ATRNL1: variants seen among roughly 807,000 people sequenced by gnomAD.
ATRNL1 encodes the protein attractin like 1.
ATRNL1 carries 95 observed loss-of-function variants against 182.7 expected under a neutral mutation model. The observed-to-expected ratio is 0.52, with a 90% CI of 0.44 to 0.62. The LOEUF (loss-of-function observed/expected upper bound fraction) is 0.62, where lower values mean the gene tolerates loss of function less well. Among genes scored for constraint, ATRNL1 ranks in the 20% least tolerant of loss-of-function variants. ATRNL1 has a pLI of 0.00. For missense variants in ATRNL1, 1,471 were observed against 1,679.5 expected (o/e 0.88, Z 2.17); for synonymous variants, 576 against 568.3 (o/e 1.01, Z -0.19).
intron 5 of ATRNL1, among the ~76,000 whole-genome samples, chr10:115,150,124 G>GT (rs1846154237): frequency 6.6e-6 from 1 of 151,826 alleles, no homozygotes; most frequent in Non-Finnish European, 1.5e-5. Flanking sequence ...TTTCCAGTTT[G>GT]TTAGTGTATA....
intron 7 of ATRNL1, among the ~76,000 whole-genome samples, chr10:115,165,894 T>TA (rs1226797530): frequency 6.6e-6 from 1 of 152,102 alleles, no homozygotes; most frequent in Non-Finnish European, 1.5e-5. Flanking sequence ...GTCAATCACT[T>TA]AAAAAAATTA....
chr10:115,881,643 G>A (rs1464088390), intron 28 of ATRNL1, among the ~76,000 whole-genome samples: 1 of 152,162 alleles, frequency 6.6e-6, no homozygotes, highest in African/African-American at 2.4e-5. Flanking sequence ...CATTGACAGA[G>A]CCCTGCCATA....
intron 25 of ATRNL1, among the ~76,000 whole-genome samples, chr10:115,531,455 G>A (rs2133747533): frequency 6.6e-6 from 1 of 152,180 alleles, no homozygotes; most frequent in African/African-American, 2.4e-5. Context: ...CATACCCTTT[G>A]GCCACTTTTT....
At chr10:115,799,068 G>A (rs1431223560) in intron 27 of ATRNL1, among the ~76,000 whole-genome samples, 12 of 151,870 alleles carry the variant, frequency 7.9e-5, no homozygotes, top group South Asian at 2.1e-4. Context: ...CTCGTGTTCC[G>A]CCCACCTCAG....
At chr10:115,139,208 T>C (rs1422689533) in intron 5 of ATRNL1, among the ~76,000 whole-genome samples, 1 of 152,212 alleles carries the variant, frequency 6.6e-6, no homozygotes, top group South Asian at 2.1e-4. Flanking sequence ...GTCCACACTT[T>C]CCCACATTTT....
At chr10:115,670,802 A>G (rs75101099) in intron 26 of ATRNL1, among the ~76,000 whole-genome samples, 2,537 of 152,256 alleles carry the variant, frequency 0.017, 66 homozygotes, top group African/African-American at 0.058. Flanking sequence ...GGTCAAGGTC[A>G]CTGCCATTTA....
intron 26 of ATRNL1, among the ~76,000 whole-genome samples, chr10:115,654,354 G>A (rs1860197914): frequency 1.3e-5 from 2 of 151,784 alleles, no homozygotes; most frequent in African/African-American, 4.8e-5. Flanking sequence ...CAAGTAGCTG[G>A]GATTAAGGCA....
At chr10:115,886,406 C>T (rs569185971) in intron 28 of ATRNL1, among the ~76,000 whole-genome samples, 152 of 152,216 alleles carry the variant, frequency 1.0e-3, no homozygotes, top group African/African-American at 3.4e-3. Flanking sequence ...CCCAGCTACT[C>T]GGGAGGCAGA....
At chr10:115,690,606 A>G (rs1243162652) in intron 26 of ATRNL1, among the ~76,000 whole-genome samples, 3 of 152,114 alleles carry the variant, frequency 2.0e-5, no homozygotes, top group Non-Finnish European at 4.4e-5. Context: ...TTTTGAACCA[A>G]CCAACACTGT....
chr10:115,691,778 A>G (rs1439032071), intron 26 of ATRNL1, among the ~76,000 whole-genome samples: 4 of 152,060 alleles, frequency 2.6e-5, no homozygotes, highest in South Asian at 4.1e-4. Flanking sequence ...TCATTTTTAA[A>G]TTTTGGGTTT....
At position 115,798,413 on chromosome 10, in the gene ATRNL1, C is replaced by G. The variant is rs533107519; in HGVS notation, c.3904-49464C>G. The stretch of plus-strand genomic sequence containing the variant: ...TCCCCATACCACTGCCTGTTGCCCT[C>G]AGCACTGCTGGAGCTCAAGTCTCAA... On this transcript the variant is annotated intron_variant, in intron 27 of 28. Coordinates refer to ENST00000355044, the MANE Select transcript of ATRNL1 (RefSeq NM_207303.4). Among the ~76,000 whole-genome samples, 3 of 152,322 alleles carry G rather than the reference C, an allele frequency of 2.0e-5. No individual in the cohort carries two copies. In the South Asian group the frequency reaches 6.2e-4, roughly 32 times the overall value.
intron 19 of ATRNL1, among the ~76,000 whole-genome samples, chr10:115,390,717 G>A (rs1843973918): frequency 6.6e-6 from 1 of 152,098 alleles, no homozygotes; most frequent in Non-Finnish European, 1.5e-5. Context: ...GTCAGAAATT[G>A]CATTGACTTA....
intron 10 of ATRNL1, among the ~76,000 whole-genome samples, chr10:115,256,557 A>G (rs1314116037): frequency 6.6e-6 from 1 of 151,976 alleles, no homozygotes; most frequent in African/African-American, 2.4e-5. Flanking sequence ...CTAGCGGTCT[A>G]TCAATTTTGT....
In ATRNL1 at chr10:115,165,584, A is replaced by G. The variant is rs782793018; in HGVS notation, c.1031A>G (p.Asn344Ser). The change falls in exon 7 of 29, where the codon AAT (asparagine) becomes AGT (serine). Residue 344 changes from asparagine (N) to serine (S), a missense_variant. Asn to Ser is a conservative substitution (Grantham distance 46). Transcript: ENST00000355044. Reference sequence around the variant, plus strand: ...TACAATTTAGAAAGCAGTATATGGAATGTAGGAACTCCATCAAGGGGACCT... The same window carrying G: ...TACAATTTAGAAAGCAGTATATGGAGTGTAGGAACTCCATCAAGGGGACCT... ...LNYNLESSIWNVGTPSRGPLQ... is the reference protein window; with the variant it reads ...LNYNLESSIWSVGTPSRGPLQ... 5.2e-6 allele frequency: 8 copies of G among 1,536,200 alleles called. No individual in the cohort carries two copies. The highest frequency in any genetic ancestry group is 1.4e-5 in the African/African-American group (1 of 73,514).
chr10:115,864,064 G>T (rs1951377304), intron 28 of ATRNL1, among the ~76,000 whole-genome samples: 2 of 152,082 alleles, frequency 1.3e-5, no homozygotes, highest in Admixed American at 1.3e-4. Context: ...TTCGAGACCA[G>T]CCCGGTCAAT....
chr10:115,466,819 C>G (rs1554970890), intron 22 of ATRNL1, among the ~76,000 whole-genome samples: 1 of 151,110 alleles, frequency 6.6e-6, no homozygotes, highest in Non-Finnish European at 1.5e-5. Context: ...AAACCTGTTT[C>G]ATTTAAACCT....
chr10:115,710,685 A>C (rs1242681144), intron 26 of ATRNL1, among the ~76,000 whole-genome samples: 6 of 152,112 alleles, frequency 3.9e-5, no homozygotes, highest in African/African-American at 1.4e-4. Context: ...TAATATAAGG[A>C]AAAGAGAATA....
chr10:115,380,308 A>G (rs1223628542), intron 19 of ATRNL1, among the ~76,000 whole-genome samples: 1 of 152,232 alleles, frequency 6.6e-6, no homozygotes, highest in East Asian at 1.9e-4. Context: ...AGTGTTCTAC[A>G]GTATTTCATA....
chr10:115,714,077 G>C (rs927612198), intron 26 of ATRNL1, among the ~76,000 whole-genome samples: 1 of 152,118 alleles, frequency 6.6e-6, no homozygotes, highest in Non-Finnish European at 1.5e-5. Flanking sequence ...TTAAGGCCTT[G>C]GCCCTAGTTG....
Sources: allele counts gnomAD v4.1 joint callset (sites outside exome capture counted in the v4.1 genomes callset), GRCh38; gene constraint gnomAD v4.1.1; transcripts MANE v1.5; gene names NCBI Gene and HGNC (gene_info 2026-07-23, HGNC 2026-07-21).